ZNF365: variants seen among roughly 807,000 people sequenced by gnomAD.
ZNF365 encodes the protein zinc finger protein 365.
A neutral mutation model predicts 35.0 loss-of-function variants in ZNF365; 22 were observed. The observed-to-expected ratio is 0.63, with a 90% CI of 0.45 to 0.90. ZNF365 has a LOEUF of 0.90. Ranked by LOEUF, ZNF365 falls within the 40% of genes least tolerant of loss-of-function variation. ZNF365 has a pLI of 0.00. For missense variants in ZNF365, 448 were observed against 500.3 expected (o/e 0.90, Z 1.00); for synonymous variants, 188 against 196.2 (o/e 0.96, Z 0.35).
chr10:62,407,052 GCA>G (rs1839915822), downstream of ZNF365, among the ~76,000 whole-genome samples: 1 of 152,252 alleles, frequency 6.6e-6, no homozygotes, highest in African/African-American at 2.4e-5. Flanking sequence ...GAGCACTGGA[GCA>G]CTCTGCTTCT....
chr10:62,420,118 C>T, intron 3 of ZNF365, among the ~76,000 whole-genome samples: 1 of 152,030 alleles, frequency 6.6e-6, no homozygotes, highest in East Asian at 1.9e-4. Context: ...ATAAATCATA[C>T]TTAGTCATTA....
chr10:62,386,689 G>C (rs1035426115), intron 2 of ZNF365, among the ~76,000 whole-genome samples: 2 of 152,184 alleles, frequency 1.3e-5, no homozygotes, highest in African/African-American at 4.8e-5. Context: ...CTGACTATTA[G>C]TACAGAAGAA....
intron 3 of ZNF365, among the ~76,000 whole-genome samples, chr10:62,430,337 C>A (rs1000613033): frequency 2.6e-5 from 4 of 151,046 alleles, no homozygotes; most frequent in Admixed American, 2.6e-4. Flanking sequence ...CCCGCCACCA[C>A]GCCCGGCTAA....
intron 3 of ZNF365, among the ~76,000 whole-genome samples, chr10:62,453,290 C>G (rs1371480891): frequency 5.9e-5 from 9 of 152,188 alleles, no homozygotes; most frequent in African/African-American, 1.9e-4. Context: ...CTTTCACTCT[C>G]TCACCCTTAT....
chr10:62,472,615 G>T (rs537414670), intron 4 of ZNF365, among the ~76,000 whole-genome samples: 1 of 152,164 alleles, frequency 6.6e-6, no homozygotes, highest in Non-Finnish European at 1.5e-5. Context: ...AGTGACCATG[G>T]CTCTGTGGAC....
At chr10:62,467,099 G>GA (rs1840956844) in intron 4 of ZNF365, among the ~76,000 whole-genome samples, 1 of 151,940 alleles carries the variant, frequency 6.6e-6, no homozygotes, top group African/African-American at 2.4e-5. Context: ...CCTTCAACCT[G>GA]AAAAAAGGGC....
intron 3 of ZNF365, among the ~76,000 whole-genome samples, chr10:62,410,474 C>T (rs61863404): frequency 0.042 from 6,373 of 152,166 alleles, 206 homozygotes; most frequent in Middle Eastern, 0.088. Context: ...AACCCATCAC[C>T]TTGGTATTAT....
chr10:62,404,904 T>C (rs1839882824), downstream of ZNF365, among the ~76,000 whole-genome samples: 1 of 152,212 alleles, frequency 6.6e-6, no homozygotes, highest in African/African-American at 2.4e-5. Context: ...TTTGTAAAGT[T>C]ACAAAGATAA....
rs999220376 is a variant in ZNF365, at chr10:62,390,045, T to C, written c.924+1469T>C. 2.0e-5 allele frequency among the ~76,000 whole-genome samples: 3 copies of C among 152,096 alleles called. No homozygotes were observed. In the East Asian group the frequency reaches 5.8e-4, roughly 29 times the overall value. On this transcript the variant is annotated intron_variant, in intron 3 of 4. Coordinates refer to ENST00000395254, the MANE Select transcript of ZNF365 (RefSeq NM_014951.3). ...AGCCTCTTTCTGCCGTCTTCTTTCA[T>C]CCTGCCCTCTTAAGAGAGGGTTGGG...
At chr10:62,472,982 C>G (rs533472748) in intron 4 of ZNF365, among the ~76,000 whole-genome samples, 11 of 152,184 alleles carry the variant, frequency 7.2e-5, no homozygotes, top group Non-Finnish European at 1.6e-4. Flanking sequence ...AAGAGGCAAC[C>G]ACTGTGACCT....
intron 3 of ZNF365, among the ~76,000 whole-genome samples, chr10:62,415,472 G>A (rs1840059271): frequency 6.6e-6 from 1 of 152,068 alleles, no homozygotes; most frequent in Non-Finnish European, 1.5e-5. Flanking sequence ...AATGCTTGGT[G>A]TGTTCATTGG....
chr10:62,395,744 G>T (rs1279057492), intron 3 of ZNF365, among the ~76,000 whole-genome samples: 2 of 151,926 alleles, frequency 1.3e-5, no homozygotes, highest in African/African-American at 2.4e-5. Flanking sequence ...GGAGCATTTT[G>T]GTTTTCATAT....
intron 3 of ZNF365, among the ~76,000 whole-genome samples, chr10:62,418,100 T>C (rs7912735): frequency 0.62 from 93,231 of 151,560 alleles, 29,364 homozygotes; most frequent in East Asian, 0.84. Flanking sequence ...CACAAACAAC[T>C]AAAGGAATAA....
intron 4 of ZNF365, 106 bp from the exon 5 acceptor site, chr10:62,399,422 T>C: frequency 6.7e-7 from 1 of 1,486,586 alleles, no homozygotes; most frequent in South Asian, 1.3e-5. Flanking sequence ...ATCACCACTG[T>C]AGCATGTAGG....
At chr10:62,450,174 C>T (rs576605336) in intron 3 of ZNF365, among the ~76,000 whole-genome samples, 38 of 152,202 alleles carry the variant, frequency 2.5e-4, no homozygotes, top group African/African-American at 9.2e-4. Context: ...CCTAATTCCT[C>T]ATTTCGTTTG....
intron 2 of ZNF365, among the ~76,000 whole-genome samples, chr10:62,386,801 G>A (rs1444783733): frequency 6.6e-6 from 1 of 152,208 alleles, no homozygotes; most frequent in Non-Finnish European, 1.5e-5. Flanking sequence ...GAGAATTACA[G>A]AGCTCAGTGG....
At chr10:62,441,193 G>A (rs1229098674) in intron 3 of ZNF365, among the ~76,000 whole-genome samples, 1 of 152,122 alleles carries the variant, frequency 6.6e-6, no homozygotes, top group Non-Finnish European at 1.5e-5. Flanking sequence ...GCTTGGCTAA[G>A]GTCATACAGC....
chr10:62,429,399 A>G (rs1274898946), intron 3 of ZNF365, among the ~76,000 whole-genome samples: 1 of 152,186 alleles, frequency 6.6e-6, no homozygotes, highest in Non-Finnish European at 1.5e-5. Context: ...CAATTTAAAG[A>G]GGTTGTTTGC....
At chr10:62,449,366 T>A (rs1840642131) in intron 3 of ZNF365, among the ~76,000 whole-genome samples, 1 of 152,194 alleles carries the variant, frequency 6.6e-6, no homozygotes, top group African/African-American at 2.4e-5. Flanking sequence ...CCAGTGTGGG[T>A]GTCCAAGTTC....
Sources: allele counts gnomAD v4.1 joint callset (sites outside exome capture counted in the v4.1 genomes callset), GRCh38; gene constraint gnomAD v4.1.1; transcripts MANE v1.5; gene names NCBI Gene and HGNC (gene_info 2026-07-23, HGNC 2026-07-21).